GPSM2: variants seen among roughly 807,000 people sequenced by gnomAD.
The protein encoded by GPSM2 is G protein signaling modulator 2, also known as G protein-signaling modulator 2.
A neutral mutation model predicts 78.4 loss-of-function variants in GPSM2; 58 were observed. The observed-to-expected ratio is 0.74, with a 90% CI of 0.60 to 0.92. The LOEUF is 0.92. Ranked by LOEUF, GPSM2 falls within the 40% of genes least tolerant of loss-of-function variation. GPSM2 has a pLI of 0.00. For missense variants in GPSM2, 700 were observed against 815.5 expected (o/e 0.86, Z 1.73); for synonymous variants, 224 against 280.2 (o/e 0.80, Z 2.00).
chr1:108,925,640 T>G (rs1557881314), intron 14 of GPSM2, among the ~76,000 whole-genome samples: 1 of 152,068 alleles, frequency 6.6e-6, no homozygotes, highest in Non-Finnish European at 1.5e-5. Flanking sequence ...ATGACGGAAC[T>G]ACTAGATTTG....
chr1:108,893,480 T>G (rs1034466764), intron 2 of GPSM2, among the ~76,000 whole-genome samples: 1 of 152,190 alleles, frequency 6.6e-6, no homozygotes, highest in African/African-American at 2.4e-5. Flanking sequence ...CATTTGTGGT[T>G]TTTTTGCTGC....
At chr1:108,878,815 GT>G (rs1665753125) in intron 1 of GPSM2, among the ~76,000 whole-genome samples, 1 of 152,152 alleles carries the variant, frequency 6.6e-6, no homozygotes, top group South Asian at 2.1e-4. Context: ...AATCATGTCT[GT>G]AATTATCACA....
intron 10 of GPSM2, chr1:108,909,787 C>G (rs1649559715): frequency 6.6e-6 from 1 of 150,882 alleles, no homozygotes; most frequent in African/African-American, 2.4e-5. Context: ...CCTGTAGTCC[C>G]AGTTACTCAG....
intron 11 of GPSM2, among the ~76,000 whole-genome samples, chr1:108,916,478 G>T (rs2101515725): frequency 6.6e-6 from 1 of 152,308 alleles, no homozygotes; most frequent in Middle Eastern, 3.4e-3. Context: ...AAAGGACTTT[G>T]TGATTTTCCC....
At chr1:108,923,292 C>T (rs1650872970) in intron 13 of GPSM2, among the ~76,000 whole-genome samples, 1 of 152,088 alleles carries the variant, frequency 6.6e-6, no homozygotes, top group Non-Finnish European at 1.5e-5. Flanking sequence ...CCTTAGCCTC[C>T]CAAAGTGCTG....
chr1:108,878,297 C>T (rs906096827), intron 1 of GPSM2, among the ~76,000 whole-genome samples: 10 of 152,096 alleles, frequency 6.6e-5, no homozygotes, highest in African/African-American at 2.4e-4. Flanking sequence ...TGGTCTCACA[C>T]CTACTTCTCT....
intron 2 of GPSM2, among the ~76,000 whole-genome samples, chr1:108,892,138 A>G (rs1192257176): frequency 1.3e-5 from 2 of 152,220 alleles, no homozygotes; most frequent in Non-Finnish European, 2.9e-5. Context: ...GGAAAGCATA[A>G]TAGAGAAAAT....
In GPSM2 at chr1:108,931,955, C is replaced by G. The variant is rs182418857; in HGVS notation, c.*2015C>G. ...AACATTGTTTTTAACAGCTGTCTAC[C>G]CTGTTCTGATTTTCCTAAAAGCTTC... On this transcript the variant is annotated 3_prime_UTR_variant, in exon 15 of 15. Transcript: ENST00000264126. 2 of 154,090 alleles carry G rather than the reference C, an allele frequency of 1.3e-5. No homozygotes were observed. Among genetic ancestry groups the G allele is most frequent in the East Asian group, 3.8e-4 (2 of 5,214 alleles). The allele number at this position is 154,090 out of a possible 1,614,324, so 9.5% of individuals were successfully genotyped here.
At chr1:108,924,963 G>A (rs1223708281) in intron 14 of GPSM2, among the ~76,000 whole-genome samples, 3 of 152,188 alleles carry the variant, frequency 2.0e-5, no homozygotes, top group African/African-American at 4.8e-5. Context: ...AGATTGTATG[G>A]TGATGCAGGC....
At chr1:108,902,676 C>T (rs750611078) in intron 8 of GPSM2, among the ~76,000 whole-genome samples, 1 of 152,086 alleles carries the variant, frequency 6.6e-6, no homozygotes, top group African/African-American at 2.4e-5. Context: ...TTTAGAAGAT[C>T]GATTTTGTTT....
chr1:108,922,017 C>A (rs867428814), intron 12 of GPSM2, among the ~76,000 whole-genome samples: 2 of 151,558 alleles, frequency 1.3e-5, no homozygotes, highest in African/African-American at 4.9e-5. Flanking sequence ...AAAAAAAGAC[C>A]TTAGAAATCA....
At chr1:108,885,762 A>G (rs574135073) in intron 2 of GPSM2, among the ~76,000 whole-genome samples, 184 bp downstream of exon 2, 210 of 152,270 alleles carry the variant, frequency 1.4e-3, no homozygotes, top group Middle Eastern at 0.014. Context: ...GTAGAGACCA[A>G]TTATGTACTA....
intron 11 of GPSM2, 95 bp from the exon 12 acceptor site, chr1:108,918,518 T>C: frequency 1.1e-6 from 1 of 892,856 alleles, no homozygotes; most frequent in South Asian, 1.4e-5. Context: ...CAATAGTAAA[T>C]AAGTGAGTAC....
chr1:108,902,341 A>C (rs1223828949), intron 8 of GPSM2, among the ~76,000 whole-genome samples: 1 of 151,350 alleles, frequency 6.6e-6, no homozygotes, highest in Non-Finnish European at 1.5e-5. Context: ...AGATCACGCC[A>C]CTGCGCTCCA....
chr1:108,913,364 C>CT (rs768942459), intron 10 of GPSM2, among the ~76,000 whole-genome samples: 1 of 152,192 alleles, frequency 6.6e-6, no homozygotes, highest in Non-Finnish European at 1.5e-5. Context: ...ACTCTACAGT[C>CT]TGTTATTTTT....
chr1:108,912,987 T>A (rs1236269341), intron 10 of GPSM2, among the ~76,000 whole-genome samples: 2 of 152,024 alleles, frequency 1.3e-5, no homozygotes, highest in Non-Finnish European at 2.9e-5. Context: ...CTTCATCTCA[T>A]CAGCAAACAT....
In GPSM2 at chr1:108,933,476, C is replaced by T. The variant is rs950249782; in HGVS notation, c.*3536C>T. On this transcript the variant is annotated 3_prime_UTR_variant, in exon 15 of 15. Coordinates refer to ENST00000264126, the MANE Select transcript of GPSM2 (RefSeq NM_013296.5). ...CATTGTTACAGGCACGTAAGTAACA[C>T]TTCCTGGATCCAAAAATGTGTATTC... 2 of 151,788 alleles carry T rather than the reference C, an allele frequency of 1.3e-5. No individual in the cohort carries two copies. The highest frequency in any genetic ancestry group is 4.8e-5 in the African/African-American group (2 of 41,244). The allele number at this position is 151,788 out of a possible 1,614,324, so 9.4% of individuals were successfully genotyped here.
At chr1:108,910,160 C>A (rs1649618252) in intron 10 of GPSM2, among the ~76,000 whole-genome samples, 1 of 151,854 alleles carries the variant, frequency 6.6e-6, no homozygotes, top group African/African-American at 2.4e-5. Flanking sequence ...AACGTTATGA[C>A]AAAATATTTG....
At chr1:108,929,116 G>T (rs1651439995) in intron 14 of GPSM2, among the ~76,000 whole-genome samples, 1 of 152,132 alleles carries the variant, frequency 6.6e-6, no homozygotes, top group Non-Finnish European at 1.5e-5. Flanking sequence ...CGCCCATATG[G>T]TATCTATTGC....
Sources: allele counts gnomAD v4.1 joint callset (sites outside exome capture counted in the v4.1 genomes callset), GRCh38; gene constraint gnomAD v4.1.1; transcripts MANE v1.5; gene names NCBI Gene and HGNC (gene_info 2026-07-23, HGNC 2026-07-21).